LGI1: variants seen among roughly 807,000 people sequenced by gnomAD.
The protein encoded by LGI1 is leucine-rich glioma-inactivated protein 1.
In LGI1, 11 loss-of-function variants were observed where a neutral mutation model predicts 57.7. That is an observed-to-expected ratio of 0.19 (90% CI 0.12 to 0.32). LGI1 has a LOEUF of 0.32. LGI1 is among the 10% of genes least tolerant of loss of function. The probability of loss-of-function intolerance (pLI) is 1.00; values close to 1 mark genes in which losing one functional copy is unlikely to be tolerated. For missense variants in LGI1, 422 were observed against 661.9 expected (o/e 0.64, Z 3.98); for synonymous variants, 222 against 241.9 (o/e 0.92, Z 0.76).
At chr10:93,792,676 A>T in intron 5 of LGI1, 67 bp from the exon 6 acceptor site, 2 of 1,490,830 alleles carry the variant, frequency 1.3e-6, no homozygotes, top group Non-Finnish European at 1.9e-6. Flanking sequence ...TTAATTGTTG[A>T]TGTAGAACTC....
In LGI1 at chr10:93,758,856, A is replaced by G. The variant is rs765312597; in HGVS notation, c.287+25A>G. 18 of 1,481,584 alleles carry G rather than the reference A, an allele frequency of 1.2e-5. No homozygotes were observed. Among genetic ancestry groups the G allele is most frequent in the East Asian group, 9.0e-5 (4 of 44,224 alleles). 91.8% of individuals were successfully genotyped at this position (1,481,584 alleles called of 1,614,324 possible). Reference sequence around the variant, plus strand: ...TGTGAGAAATATTTATATCATGACTATTTTTAATATGGCATATATTTGGAT... The same window carrying G: ...TGTGAGAAATATTTATATCATGACTGTTTTTAATATGGCATATATTTGGAT... On this transcript the variant is annotated intron_variant, in intron 2 of 7. Coordinates refer to ENST00000371418, the MANE Select transcript of LGI1 (RefSeq NM_005097.4). This position sits in a 1 kb window ranked among gnomAD's most constrained non-coding sequence, Gnocchi z 4.7.
intron 2 of LGI1, among the ~76,000 whole-genome samples, chr10:93,760,229 A>G (rs1422693418): frequency 6.6e-6 from 1 of 152,178 alleles, no homozygotes; most frequent in Non-Finnish European, 1.5e-5. Context: ...AGATATTCCT[A>G]AGGGGTTTAT....
At chr10:93,777,749 C>T in intron 4 of LGI1, 132 bp downstream of exon 4, 1 of 690,626 alleles carries the variant, frequency 1.4e-6, no homozygotes, top group South Asian at 1.7e-5. Context: ...TCTCCATGCA[C>T]ACTTGCCATC....
chr10:93,770,499 T>G (rs930897232), intron 2 of LGI1: 1 of 152,474 alleles, frequency 6.6e-6, no homozygotes, highest in African/African-American at 2.4e-5. Context: ...ATCCTCTGCT[T>G]CTTCATTTAC....
rs2059588912 is a variant in LGI1 at position 93,758,557 on chromosome 10, C to A, written c.215+198C>A. On this transcript the variant is annotated intron_variant, in intron 1 of 7. Transcript: ENST00000371418. This position sits in a 1 kb window ranked among gnomAD's most constrained non-coding sequence, Gnocchi z 4.7. Reference sequence around the variant, plus strand: ...TGCTACTGAACATGCTTAGATACCCCCAGCCCTGAACATTATCATGAGAAA... The same window carrying A: ...TGCTACTGAACATGCTTAGATACCCACAGCCCTGAACATTATCATGAGAAA... 2 of 700,008 alleles carry A rather than the reference C, an allele frequency of 2.9e-6. No homozygotes were observed. The highest frequency in any genetic ancestry group is 5.4e-5 in the East Asian group (2 of 37,306). 43.4% of individuals were successfully genotyped at this position (700,008 alleles called of 1,614,324 possible).
rs372810679 is a variant in LGI1 at position 93,797,656 on chromosome 10, C to G, written c.1527C>G (p.Ala509=). ...TQVYNWDAEK[A]KFVKFQELNV... ...TGTATAACTGGGATGCAGAGAAAGC[C>G]AAATTTGTGAAATTTCAGGAATTAA... Residue 509 remains alanine, a synonymous_variant, in exon 8 of 8, where the codon GCC becomes GCG. Transcript: ENST00000371418. The surrounding 1 kb of genome is among the most constrained non-coding windows in gnomAD (Gnocchi z 6.5). 2 of 1,614,002 alleles carry G rather than the reference C, an allele frequency of 1.2e-6. No homozygotes were observed. Among genetic ancestry groups the G allele is most frequent in the Non-Finnish European group, 1.7e-6 (2 of 1,179,934 alleles).
chr10:93,758,369 G>A lies in LGI1; in HGVS notation c.215+10G>A. 6.2e-7 allele frequency: 1 copy of A among 1,611,746 alleles called. No homozygotes were observed. The highest frequency in any genetic ancestry group is 8.5e-7 in the Non-Finnish European group (1 of 1,177,964). ...CTGATGTTATCTCATTGTAAGGCCC[G>A]TAAGCATTTTGATATCTAATTTACG... On this transcript the variant is annotated intron_variant, in intron 1 of 7. Coordinates refer to ENST00000371418, the MANE Select transcript of LGI1 (RefSeq NM_005097.4). This position sits in a 1 kb window ranked among gnomAD's most constrained non-coding sequence, Gnocchi z 4.7.
At chr10:93,795,590 A>G (rs1431214297) in intron 7 of LGI1, among the ~76,000 whole-genome samples, 1 of 152,176 alleles carries the variant, frequency 6.6e-6, no homozygotes, top group East Asian at 1.9e-4. Flanking sequence ...ATAGCAGATG[A>G]CAAATATATG....
At chr10:93,784,174 T>G (rs2059875833) in intron 4 of LGI1, among the ~76,000 whole-genome samples, 1 of 152,098 alleles carries the variant, frequency 6.6e-6, no homozygotes, top group Non-Finnish European at 1.5e-5. Flanking sequence ...TTTCCTCAAG[T>G]CTCTCATTGA....
At position 93,757,965 on chromosome 10, in the gene LGI1, C is replaced by G; in HGVS notation, c.-180C>G. 1.5e-6 allele frequency: 1 copy of G among 659,144 alleles called. No homozygotes were observed. The highest frequency in any genetic ancestry group is 1.7e-5 in the South Asian group (1 of 57,342). 40.8% of individuals were successfully genotyped at this position (659,144 alleles called of 1,614,324 possible). ...TACCTCACAGGTCTCTTCCCCCGAG[C>G]AGTGCATTGCTGGAGCGAGGAGAAG... On this transcript the variant is annotated 5_prime_UTR_variant, in exon 1 of 8. Coordinates refer to ENST00000371418, the MANE Select transcript of LGI1 (RefSeq NM_005097.4).
At chr10:93,774,143 C>T (rs2059769293) in intron 2 of LGI1, among the ~76,000 whole-genome samples, 1 of 152,156 alleles carries the variant, frequency 6.6e-6, no homozygotes, top group Non-Finnish European at 1.5e-5. Context: ...GCAGAGACCC[C>T]TTGGTCACCA....
In LGI1 at chr10:93,777,575, T is replaced by C; in HGVS notation, c.389T>C (p.Ile130Thr). 1 of 1,613,712 alleles carries C rather than the reference T, an allele frequency of 6.2e-7. No homozygotes were observed. The highest frequency in any genetic ancestry group is 8.5e-7 in the Non-Finnish European group (1 of 1,179,662). Reference sequence around the variant, plus strand: ...ATAGAAAACAACAACATCAAGTCAATTTCAAGACATACTTTCCGGGGACTA... The same window carrying C: ...ATAGAAAACAACAACATCAAGTCAACTTCAAGACATACTTTCCGGGGACTA... Reference protein sequence around the residue: ...LFIENNNIKSISRHTFRGLKS... With the variant: ...LFIENNNIKSTSRHTFRGLKS... Residue 130 changes from isoleucine (I) to threonine (T), a missense_variant, in exon 4 of 8, where the codon ATT (isoleucine) becomes ACT (threonine). Ile to Thr is a moderately conservative substitution (Grantham distance 89). Around this residue, in one of 3 missense-constraint regions of LGI1, gnomAD observed 63 missense variants for 138.4 expected, o/e 0.46. Transcript: ENST00000371418.
intron 4 of LGI1, chr10:93,783,049 T>C (rs1031141978): frequency 2.0e-5 from 3 of 152,270 alleles, no homozygotes; most frequent in Non-Finnish European, 4.4e-5. Context: ...TCAAGGTAAC[T>C]AGACATTCAG....
chr10:93,784,777 A>G (rs543047575), intron 4 of LGI1, among the ~76,000 whole-genome samples: 1 of 152,196 alleles, frequency 6.6e-6, no homozygotes, highest in African/African-American at 2.4e-5. Context: ...CAGAGGAAGG[A>G]GGGTCCCCTA....
chr10:93,766,366 G>C (rs1474548225), intron 2 of LGI1, among the ~76,000 whole-genome samples: 1 of 152,118 alleles, frequency 6.6e-6, no homozygotes, highest in African/African-American at 2.4e-5. Context: ...TTGCCCAACT[G>C]TGCTTCCATG....
In LGI1 at chr10:93,758,173, G is replaced by A. The variant is rs1375136967; in HGVS notation, c.29G>A (p.Gly10Glu). The change falls in exon 1 of 8, where the codon GGA (glycine) becomes GAA (glutamate). Residue 10 changes from glycine to glutamate, a missense_variant. Physicochemically the swap from Gly to Glu is moderately conservative, Grantham distance 98. Transcript: ENST00000371418. The surrounding 1 kb of genome is among the most constrained non-coding windows in gnomAD (Gnocchi z 4.7). Reference sequence around the variant, plus strand: ...GAATCAGAAAGAAGCAAAAGGATGGGAAATGCCTGCATTCCCCTGAAAAGA... The same window carrying A: ...GAATCAGAAAGAAGCAAAAGGATGGAAAATGCCTGCATTCCCCTGAAAAGA... MESERSKRMGNACIPLKRIA... is the reference protein window; with the variant it reads MESERSKRMENACIPLKRIA... The A allele has an allele frequency of 1.9e-6, 3 of 1,614,072 alleles. No individual in the cohort carries two copies. The highest frequency in any genetic ancestry group is 2.5e-6 in the Non-Finnish European group (3 of 1,180,046).
At position 93,783,984 on chromosome 10, in the gene LGI1, C is replaced by T. The variant is rs560959530; in HGVS notation, c.432-6115C>T. ...CCGAGATAGCGCCACTGCATTCCAG[C>T]CTGGGTGACAGAGTGAGACTCCATC... On this transcript the variant is annotated intron_variant, in intron 4 of 7. Coordinates refer to ENST00000371418, the MANE Select transcript of LGI1 (RefSeq NM_005097.4). Among the ~76,000 whole-genome samples the T allele has an allele frequency of 4.6e-5, 7 of 152,244 alleles. No individual in the cohort carries two copies. The South Asian group carries it at 1.5e-3, about 32-fold the overall frequency.
Position 93,792,791 on chromosome 10 carries a change from A to G in LGI1, c.552A>G (p.Leu184=). The G allele has an allele frequency of 1.2e-6, 2 of 1,614,168 alleles. No homozygotes were observed. Among genetic ancestry groups the G allele is most frequent in the Non-Finnish European group, 1.7e-6 (2 of 1,180,006 alleles). ...SFNCDCKLKW[L]VEWLGHTNAT... ...ATTGTGACTGTAAACTGAAATGGCT[A>G]GTGGAATGGCTTGGCCACACCAATG... is the stretch of plus-strand genomic sequence containing the variant. Residue 184 remains leucine, a synonymous_variant, in exon 6 of 8, where the codon CTA becomes CTG. Transcript: ENST00000371418.
chr10:93,758,257 C>G lies in LGI1; in HGVS notation c.113C>G (p.Ala38Gly), dbSNP rs768415373. 45 of 1,614,022 alleles carry G rather than the reference C, an allele frequency of 2.8e-5. No homozygotes were observed. Among genetic ancestry groups the G allele is most frequent in the Non-Finnish European group, 3.7e-5 (44 of 1,180,014 alleles). The change falls in exon 1 of 8, where the codon GCG becomes GGG. Residue 38 changes from alanine to glycine, a missense_variant. Physicochemically the swap from Ala to Gly is moderately conservative, Grantham distance 60 (BLOSUM62 0). Transcript: ENST00000371418. The surrounding 1 kb of genome is among the most constrained non-coding windows in gnomAD (Gnocchi z 4.7). ...TTGCTGACTGAGGGGAAGAAACCAG[C>G]GAAGCCAAAATGCCCTGCCGTGTGT... Reference protein sequence around the residue: ...ALLLTEGKKPAKPKCPAVCTC... With the variant: ...ALLLTEGKKPGKPKCPAVCTC...
Sources: gnomAD v4.1 joint callset for allele counts (sites outside exome capture counted in the v4.1 genomes callset) on GRCh38, gnomAD v4.1.1 for gene constraint, gnomAD v4.1.1 regional missense constraint, Gnocchi (gnomAD v3.1) non-coding constraint, MANE v1.5 for transcripts, NCBI Gene and HGNC (gene_info 2026-07-23, HGNC 2026-07-21) for gene names.